SVOPL: variants seen among roughly 807,000 people sequenced by gnomAD.
SVOPL encodes putative transporter SVOPL.
In SVOPL, 60 loss-of-function variants were observed where a neutral mutation model predicts 61.0. That is an observed-to-expected ratio of 0.98 (90% CI 0.80 to 1.22). The LOEUF (loss-of-function observed/expected upper bound fraction) is 1.22, where lower values mean the gene tolerates loss of function less well. SVOPL is among the 50% of genes most tolerant of loss of function. The probability of loss-of-function intolerance (pLI) is 0.00; values close to 1 mark genes in which losing one functional copy is unlikely to be tolerated. For synonymous variants in SVOPL, 279 were observed against 250.0 expected (o/e 1.12, Z -1.09); for missense variants, 662 against 643.9 (o/e 1.03, Z -0.30).
At chr7:138,664,547 T>G (rs1384676087) in intron 4 of SVOPL, among the ~76,000 whole-genome samples, 1 of 118,420 alleles carries the variant, frequency 8.4e-6, no homozygotes, top group Non-Finnish European at 1.8e-5. Flanking sequence ...CCCCTAATCC[T>G]CCATCAGGCG....
At chr7:138,698,503 G>A (rs77118913) in intron 1 of SVOPL, among the ~76,000 whole-genome samples, 21 of 152,190 alleles carry the variant, frequency 1.4e-4, no homozygotes, top group African/African-American at 3.4e-4. Flanking sequence ...ACTTTGGACC[G>A]AATCTGGCCA....
At chr7:138,621,226 G>C (rs1426667355) in intron 13 of SVOPL, 91 bp from the exon 14 acceptor site, 2 of 988,374 alleles carry the variant, frequency 2.0e-6, no homozygotes, top group Non-Finnish European at 3.0e-6. Context: ...TCAGGTTTTG[G>C]AATGCATAGA....
At chr7:138,680,168 C>CTTTTTTT (rs1232394704) in intron 1 of SVOPL, among the ~76,000 whole-genome samples, 1 of 135,280 alleles carries the variant, frequency 7.4e-6, no homozygotes. Flanking sequence ...ATGTCATTGT[C>CTTTTTTT]TTTTTTTTTT....
chr7:138,656,872 G>A (rs938813060), intron 6 of SVOPL, among the ~76,000 whole-genome samples: 6 of 151,932 alleles, frequency 3.9e-5, no homozygotes, highest in Non-Finnish European at 5.9e-5. Flanking sequence ...GAAAAACCCC[G>A]TTTCTACTAA....
In SVOPL at chr7:138,689,852, G is replaced by A. The variant is rs1185222798; in HGVS notation, c.-34-10773C>T. ...AGTCTGGGCAACACAGTGAGACTCC[G>A]TCTCAAAAAAAAAAAAAAAAAGATG... On this transcript the variant is annotated intron_variant, in intron 1 of 15. Coordinates refer to ENST00000674285, the MANE Select transcript of SVOPL (RefSeq NM_001139456.2). Among the ~76,000 whole-genome samples the A allele has an allele frequency of 4.9e-5, 5 of 102,072 alleles. No individual in the cohort carries two copies. In the East Asian group the frequency reaches 8.2e-4, roughly 17 times the overall value. 67.0% of individuals were successfully genotyped at this position (102,072 alleles called of 152,430 possible).
chr7:138,674,812 C>T (rs978896015), intron 3 of SVOPL, among the ~76,000 whole-genome samples: 3 of 150,526 alleles, frequency 2.0e-5, no homozygotes, highest in South Asian at 2.1e-4. Context: ...GCCGAGATCA[C>T]GCCACTGCAC....
chr7:138,660,808 T>C, intron 5 of SVOPL: 2 of 978,168 alleles, frequency 2.0e-6, no homozygotes, highest in Non-Finnish European at 2.4e-6. Flanking sequence ...TATATAATAA[T>C]AATGATATAT....
chr7:138,661,213 T>C (rs1801984788), intron 5 of SVOPL: 4 of 985,300 alleles, frequency 4.1e-6, no homozygotes, highest in Non-Finnish European at 4.8e-6. Context: ...AAGACAGACC[T>C]GGGTTTGTAA....
intron 1 of SVOPL, among the ~76,000 whole-genome samples, chr7:138,697,465 C>T (rs1248612341): frequency 2.6e-5 from 4 of 151,410 alleles, no homozygotes; most frequent in African/African-American, 7.3e-5. Context: ...AAAATTAGCC[C>T]TGTGTGGTGG....
chr7:138,669,449 A>G (rs942460361), intron 4 of SVOPL, among the ~76,000 whole-genome samples: 1 of 152,184 alleles, frequency 6.6e-6, no homozygotes, highest in African/African-American at 2.4e-5. Flanking sequence ...AGGGAACGCA[A>G]TTATCTTAAA....
intron 4 of SVOPL, among the ~76,000 whole-genome samples, chr7:138,667,035 G>C (rs1468281837): frequency 6.6e-6 from 1 of 152,126 alleles, no homozygotes; most frequent in Non-Finnish European, 1.5e-5. Context: ...GGGACAACAA[G>C]TACTAGAGAG....
At chr7:138,615,818 A>C (rs569853122) in intron 14 of SVOPL, among the ~76,000 whole-genome samples, 8 of 151,306 alleles carry the variant, frequency 5.3e-5, no homozygotes, top group Non-Finnish European at 1.0e-4. Flanking sequence ...AAGATCACAG[A>C]TGTACCACCC....
intron 1 of SVOPL, among the ~76,000 whole-genome samples, chr7:138,697,678 A>AAAGAAGAGGAAG (rs140367568): frequency 0.11 from 16,059 of 147,104 alleles, 1,322 homozygotes; most frequent in East Asian, 0.37. Flanking sequence ...AGAAGGAGGA[A>AAAGAAGAGGAAG]AAGAAGAGGA....
intron 13 of SVOPL, among the ~76,000 whole-genome samples, chr7:138,622,038 GTATC>G (rs1415006683): frequency 0.011 from 106 of 9,710 alleles, no homozygotes; most frequent in East Asian, 0.051. Flanking sequence ...ATCTATCTAT[GTATC>G]TATCTATCTA....
intron 12 of SVOPL, 104 bp from the exon 13 acceptor site, chr7:138,626,154 T>C (rs1563099706): frequency 8.8e-7 from 1 of 1,138,414 alleles, no homozygotes; most frequent in Non-Finnish European, 1.3e-6. Context: ...CAATCACAGA[T>C]AACTCAGAAC....
chr7:138,671,977 C>T (rs10234595), intron 4 of SVOPL, 42 bp downstream of exon 4: 173,267 of 1,528,736 alleles, frequency 0.11, 12,565 homozygotes, highest in African/African-American at 0.32. Context: ...GGAGCCTACG[C>T]CCTCAGTTGC....
chr7:138,607,316 C>T (rs1027773829), intron 14 of SVOPL, among the ~76,000 whole-genome samples: 3 of 152,046 alleles, frequency 2.0e-5, no homozygotes, highest in Non-Finnish European at 2.9e-5. Context: ...GATACCATCT[C>T]AATGGAGAGT....
At chr7:138,668,139 C>T (rs1802319478) in intron 4 of SVOPL, among the ~76,000 whole-genome samples, 1 of 151,990 alleles carries the variant, frequency 6.6e-6, no homozygotes, top group Admixed American at 6.6e-5. Flanking sequence ...CTTGTGGCAC[C>T]CACTCAGGAA....
At chr7:138,603,954 T>TC (rs1798637923) in intron 14 of SVOPL, among the ~76,000 whole-genome samples, 1 of 148,012 alleles carries the variant, frequency 6.8e-6, no homozygotes. Context: ...CTTAATTTAT[T>TC]CTTTTTTTTT....
Sources: allele counts gnomAD v4.1 joint callset (sites outside exome capture counted in the v4.1 genomes callset), GRCh38; gene constraint gnomAD v4.1.1; transcripts MANE v1.5; gene names NCBI Gene and HGNC (gene_info 2026-07-23, HGNC 2026-07-21).